PRPF6: variants seen among roughly 807,000 people sequenced by gnomAD.
PRPF6 encodes the protein pre-mRNA processing factor 6.
PRPF6 carries 42 observed loss-of-function variants against 118.3 expected under a neutral mutation model. The observed-to-expected ratio is 0.35, with a 90% CI of 0.28 to 0.46. The LOEUF (loss-of-function observed/expected upper bound fraction) is 0.46. Among genes scored for constraint, PRPF6 ranks in the 20% least tolerant of loss-of-function variants. The pLI is 1.00. For missense variants in PRPF6, 662 were observed against 1,255.7 expected (o/e 0.53, Z 7.15); for synonymous variants, 481 against 485.1 (o/e 0.99, Z 0.11).
At chr20:64,002,471 G>C (rs1335569834) in intron 9 of PRPF6, among the ~76,000 whole-genome samples, 6 of 151,644 alleles carry the variant, frequency 4.0e-5, no homozygotes, top group Non-Finnish European at 2.9e-5. Context: ...GAGTAGCCGG[G>C]ATTACAGGTG....
At chr20:63,988,834 A>C (rs1298044954) in intron 3 of PRPF6, among the ~76,000 whole-genome samples, 1 of 151,504 alleles carries the variant, frequency 6.6e-6, no homozygotes, top group Non-Finnish European at 1.5e-5. Flanking sequence ...GTGCCATTGC[A>C]CTCCGGCCTG....
At chr20:64,021,050 G>A (rs183088926) in intron 12 of PRPF6, among the ~76,000 whole-genome samples, 4 of 152,342 alleles carry the variant, frequency 2.6e-5, no homozygotes, top group East Asian at 3.9e-4. Context: ...GCCTCCCAGG[G>A]TGCTGGAATT....
chr20:64,027,177 C>G lies in PRPF6; in HGVS notation c.2205+19C>G. The G allele has an allele frequency of 6.2e-7, 1 of 1,612,196 alleles. No individual in the cohort carries two copies. The highest frequency in any genetic ancestry group is 8.5e-7 in the Non-Finnish European group (1 of 1,179,854). ...CCAGGGGGTACGTCTCTGCCTGCACCCTGGGGCTGCAGCTGACCCGGCATT... is the reference window on the plus strand; with the variant it reads ...CCAGGGGGTACGTCTCTGCCTGCACGCTGGGGCTGCAGCTGACCCGGCATT... On this transcript the variant is annotated intron_variant, in intron 16 of 20. Transcript: ENST00000266079. The surrounding 1 kb of genome is among the most constrained non-coding windows in gnomAD (Gnocchi z 6.5).
chr20:64,013,845 A>G (rs2059226171), intron 11 of PRPF6, among the ~76,000 whole-genome samples: 1 of 152,170 alleles, frequency 6.6e-6, no homozygotes, highest in Admixed American at 6.6e-5. Context: ...CTATCACCAC[A>G]ATCCTAGAAC....
At chr20:64,014,220 G>A (rs917823705) in intron 11 of PRPF6, among the ~76,000 whole-genome samples, 11 of 152,084 alleles carry the variant, frequency 7.2e-5, no homozygotes, top group Admixed American at 1.3e-4. Flanking sequence ...GATTACAAGC[G>A]TGAGCCACCG....
intron 2 of PRPF6, 90 bp from the exon 3 acceptor site, chr20:63,984,817 C>A: frequency 1.1e-6 from 1 of 934,028 alleles, no homozygotes; most frequent in Non-Finnish European, 1.7e-6. Context: ...AATAATTTAG[C>A]AAGTATTTCA....
intron 1 of PRPF6, among the ~76,000 whole-genome samples, chr20:63,981,571 C>A (rs2059067427): frequency 6.6e-6 from 1 of 152,088 alleles, no homozygotes; most frequent in African/African-American, 2.4e-5. Flanking sequence ...TGTATACGGT[C>A]TGCAGTGAGG....
rs370451981 is a variant in PRPF6, at chr20:64,029,429, C to G, written c.2484C>G (p.Thr828=). Residue 828 remains threonine (T), a synonymous_variant, in exon 19 of 21, where the codon ACC becomes ACG. Transcript: ENST00000266079. The surrounding 1 kb of genome is among the most constrained non-coding windows in gnomAD (Gnocchi z 4.8). The part of the protein sequence containing the change: ...IFLEARPQRR[T]KSVDALKKCE... Reference sequence around the variant, plus strand: ...TCGAGGCAAGGCCCCAGAGGAGGACCAAGAGCGTGGATGCCCTGAAGAAGT... The same window carrying G: ...TCGAGGCAAGGCCCCAGAGGAGGACGAAGAGCGTGGATGCCCTGAAGAAGT... The G allele has an allele frequency of 1.3e-4, 206 of 1,614,106 alleles. No homozygotes were observed. Among genetic ancestry groups the G allele is most frequent in the Non-Finnish European group, 1.7e-4 (204 of 1,180,052 alleles).
chr20:64,011,810 TCTTTCTTTGCTAGTAG>T lies in PRPF6; in HGVS notation c.1524+308_1524+323del, dbSNP rs2059218857. Among the ~76,000 whole-genome samples the T allele has an allele frequency of 8.3e-6, 1 of 120,616 alleles. No individual in the cohort carries two copies. Among genetic ancestry groups the T allele is most frequent in the Non-Finnish European group, 1.8e-5 (1 of 55,924 alleles). The allele number at this position is 120,616 out of a possible 152,430, so 79.1% of individuals were successfully genotyped here. A position where few individuals can be genotyped will look rare whatever the true frequency, so the allele number is the denominator to read the frequency against. On this transcript the variant is annotated intron_variant, in intron 11 of 20. Coordinates refer to ENST00000266079, the MANE Select transcript of PRPF6 (RefSeq NM_012469.4). This position sits in a 1 kb window ranked among gnomAD's most constrained non-coding sequence, Gnocchi z 6.7. ...GAGGAGGACAGGAAGTCTCATGGCTTCTTTCTTTGCTAGTAGAAATGATACACCTACGAGAGGAGGA... is the reference window on the plus strand; with the variant it reads ...GAGGAGGACAGGAAGTCTCATGGCTTAAATGATACACCTACGAGAGGAGGA...
At chr20:64,024,500 T>C (rs1017727998) in intron 13 of PRPF6, 55 bp from the exon 14 acceptor site, 5 of 1,607,104 alleles carry the variant, frequency 3.1e-6, no homozygotes, top group South Asian at 1.1e-5. Flanking sequence ...CTGAGTGTGA[T>C]GTGTGTTCTG....
intron 8 of PRPF6, 21 bp downstream of exon 8, chr20:63,999,780 C>T (rs374615079): frequency 6.2e-6 from 10 of 1,611,662 alleles, no homozygotes; most frequent in Admixed American, 1.7e-5. Context: ...TCCTGGGAGG[C>T]GTTTCCTGGG....
At chr20:64,013,376 A>G (rs2059223497) in intron 11 of PRPF6, among the ~76,000 whole-genome samples, 4 of 152,136 alleles carry the variant, frequency 2.6e-5, no homozygotes. Flanking sequence ...AAATAATGAA[A>G]TTACTATTTT....
chr20:64,000,124 G>T (rs542441974), intron 8 of PRPF6, among the ~76,000 whole-genome samples: 1 of 151,920 alleles, frequency 6.6e-6, no homozygotes, highest in African/African-American at 2.4e-5. Context: ...AATCCACCAC[G>T]CCTGAATCCA....
chr20:64,004,832 C>T (rs546034308), intron 9 of PRPF6, among the ~76,000 whole-genome samples: 14 of 152,160 alleles, frequency 9.2e-5, no homozygotes, highest in Non-Finnish European at 1.6e-4. Flanking sequence ...CTGTGTACTC[C>T]GCTAGTTAAT....
intron 12 of PRPF6, among the ~76,000 whole-genome samples, chr20:64,019,222 T>A (rs1449365558): frequency 6.7e-6 from 1 of 149,436 alleles, no homozygotes; most frequent in African/African-American, 2.5e-5. Context: ...TTCTCCTGCC[T>A]CAGCCTCCTG....
intron 9 of PRPF6, among the ~76,000 whole-genome samples, chr20:64,003,907 G>C (rs1024912205): frequency 6.6e-6 from 1 of 152,188 alleles, no homozygotes; most frequent in Admixed American, 6.5e-5. Context: ...CAGAGACAGC[G>C]TCTTATAATG....
chr20:64,017,745 C>T (rs2059245846), intron 12 of PRPF6, among the ~76,000 whole-genome samples: 1 of 152,186 alleles, frequency 6.6e-6, no homozygotes, highest in African/African-American at 2.4e-5. Context: ...TTTTCTGGAA[C>T]TGTTTGACAA....
In PRPF6 at chr20:64,022,744, C is replaced by T. The variant is rs780925388; in HGVS notation, c.1648-13C>T. The T allele has an allele frequency of 6.2e-7, 1 of 1,614,026 alleles. No homozygotes were observed. Among genetic ancestry groups the T allele is most frequent in the Non-Finnish European group, 8.5e-7 (1 of 1,179,994 alleles). On this transcript the variant is annotated splice_polypyrimidine_tract_variant and intron_variant, in intron 12 of 20. Transcript: ENST00000266079. ...TGCTGGGCTGCCCATTCTCATGTCT[C>T]TCTCTGCTCTAGTGTGTAGCCCACA... is the stretch of plus-strand genomic sequence containing the variant.
At chr20:64,023,861 C>T (rs536249782) in intron 13 of PRPF6, among the ~76,000 whole-genome samples, 17 of 152,348 alleles carry the variant, frequency 1.1e-4, no homozygotes, top group South Asian at 4.1e-4. Context: ...TCCGACTTCC[C>T]TGCCTTCTCC....
Sources: gnomAD v4.1 joint callset for allele counts (sites outside exome capture counted in the v4.1 genomes callset) on GRCh38, gnomAD v4.1.1 for gene constraint, Gnocchi (gnomAD v3.1) non-coding constraint, MANE v1.5 for transcripts, NCBI Gene and HGNC (gene_info 2026-07-23, HGNC 2026-07-21) for gene names.